Variants in FLVCR1 observed in about 807,000 individuals in gnomAD.
FLVCR1 encodes the protein FLVCR choline and heme transporter 1, also known as choline/ethanolamine transporter FLVCR1.
FLVCR1 carries 34 observed loss-of-function variants against 53.6 expected under a neutral mutation model. The observed-to-expected ratio is 0.63, with a 90% CI of 0.48 to 0.84. FLVCR1 has a LOEUF of 0.84. Ranked by LOEUF, FLVCR1 falls within the 40% of genes least tolerant of loss-of-function variation. The probability of loss-of-function intolerance (pLI) is 0.00; values close to 1 mark genes in which losing one functional copy is unlikely to be tolerated. For missense variants in FLVCR1, 677 were observed against 696.7 expected, an observed-to-expected ratio of 0.97 and a Z score of 0.32; for synonymous variants, 300 against 286.3, an observed-to-expected ratio of 1.05 and a Z score of -0.48.
At chr1:212,874,691 G>A (rs1664706610) in intron 3 of FLVCR1, among the ~76,000 whole-genome samples, 1 of 151,536 alleles carries the variant, frequency 6.6e-6, no homozygotes, top group African/African-American at 2.4e-5. Flanking sequence ...ACCACGCCCA[G>A]CTAATTTTTG....
intron 3 of FLVCR1, among the ~76,000 whole-genome samples, chr1:212,874,448 T>C (rs1351299985): frequency 2.0e-5 from 3 of 152,120 alleles, no homozygotes; most frequent in East Asian, 3.8e-4. Flanking sequence ...TAATTAGATA[T>C]AGAGAAAATA....
At chr1:212,870,838 C>G (rs1664573946) in intron 2 of FLVCR1, among the ~76,000 whole-genome samples, 2 of 152,296 alleles carry the variant, frequency 1.3e-5, no homozygotes, top group South Asian at 4.1e-4. Context: ...ACAATCTCAG[C>G]TCACTGCAAC....
intron 7 of FLVCR1, 79 bp downstream of exon 7, chr1:212,888,673 T>C (rs763067852): frequency 2.0e-4 from 218 of 1,090,100 alleles, no homozygotes; most frequent in Non-Finnish European, 2.8e-4. Flanking sequence ...ACCATGGTTT[T>C]ATTTGTTGTT....
At chr1:212,890,397 T>C (rs1665161119) in intron 8 of FLVCR1, among the ~76,000 whole-genome samples, 1 of 152,100 alleles carries the variant, frequency 6.6e-6, no homozygotes, top group African/African-American at 2.4e-5. Context: ...CTGGACCACA[T>C]TGGAACAAGA....
At chr1:212,874,916 T>TACACACACACAC (rs57061343) in intron 3 of FLVCR1, among the ~76,000 whole-genome samples, 9,094 of 149,378 alleles carry the variant, frequency 0.061, 284 homozygotes, top group East Asian at 0.094. Context: ...GTCACAGACG[T>TACACACACACAC]ACACACACAC....
intron 3 of FLVCR1, among the ~76,000 whole-genome samples, chr1:212,882,133 C>T (rs1206591513): frequency 6.6e-6 from 1 of 152,166 alleles, no homozygotes; most frequent in Non-Finnish European, 1.5e-5. Context: ...AGAAGGTCTA[C>T]TCTAGATATA....
rs1664139161 is a variant in FLVCR1 at position 212,859,159 on chromosome 1, C to T, written c.707C>T (p.Thr236Ile). The T allele has an allele frequency of 1.2e-6, 2 of 1,613,996 alleles. No individual in the cohort carries two copies. Among genetic ancestry groups the T allele is most frequent in the Non-Finnish European group, 1.7e-6 (2 of 1,180,036 alleles). ...TGGTTTGGGCCCAAAGAGGTGTCCA[C>T]AGCTTGTGCCACCGCCGTGCTGGGC... ...SVWFGPKEVS[T>I]ACATAVLGNQ... is the part of the protein sequence containing the mutation. The change falls in exon 1 of 10, where the codon ACA becomes ATA. Residue 236 changes from threonine (T) to isoleucine (I), a missense_variant. Transcript: ENST00000366971.
At chr1:212,868,688 C>A (rs1428573561) in intron 2 of FLVCR1, among the ~76,000 whole-genome samples, 1 of 152,106 alleles carries the variant, frequency 6.6e-6, no homozygotes, top group Non-Finnish European at 1.5e-5. Flanking sequence ...GGATTATAGG[C>A]GTGAACCACC....
Position 212,859,152 on chromosome 1 carries a change from G to T in FLVCR1, c.700G>T (p.Val234Leu), listed in dbSNP as rs958844090. 1 of 1,614,012 alleles carries T rather than the reference G, an allele frequency of 6.2e-7. No homozygotes were observed. Among genetic ancestry groups the T allele is most frequent in the East Asian group, 2.2e-5 (1 of 44,886 alleles). The change falls in exon 1 of 10, where the codon GTG becomes TTG. Residue 234 changes from valine to leucine, a missense_variant. By Grantham distance (32) the Val-to-Leu change is conservative. Transcript: ENST00000366971. ...CTCAGTGTGGTTTGGGCCCAAAGAGGTGTCCACAGCTTGTGCCACCGCCGT... is the reference window on the plus strand; with the variant it reads ...CTCAGTGTGGTTTGGGCCCAAAGAGTTGTCCACAGCTTGTGCCACCGCCGT... ...IASVWFGPKE[V>L]STACATAVLG...
chr1:212,866,010 A>G lies in FLVCR1; in HGVS notation c.883+2141A>G, dbSNP rs374671765. Among the ~76,000 whole-genome samples, 146 of 78,144 alleles carry G rather than the reference A, an allele frequency of 1.9e-3. No homozygotes were observed. In the South Asian group the frequency reaches 0.041, roughly 22 times the overall value. The allele number at this position is 78,144 out of a possible 152,430, so 51.3% of individuals were successfully genotyped here. A position where few individuals can be genotyped will look rare whatever the true frequency, so the allele number is the denominator to read the frequency against. ...TTTTTTTTTTTTTTTTTTGAGACAG[A>G]GTCTTGCTCTGTCAGCCAGGCTGGA... On this transcript the variant is annotated intron_variant, in intron 2 of 9. Coordinates refer to ENST00000366971, the MANE Select transcript of FLVCR1 (RefSeq NM_014053.4).
chr1:212,858,484 C>A lies in FLVCR1; in HGVS notation c.32C>A (p.Ala11Glu). The change falls in exon 1 of 10, where the codon GCG becomes GAG. Residue 11 changes from alanine (A) to glutamate (E), a missense_variant. By Grantham distance (107) the Ala-to-Glu change is moderately radical (BLOSUM62 -1). Coordinates refer to ENST00000366971, the MANE Select transcript of FLVCR1 (RefSeq NM_014053.4). Reference sequence around the variant, plus strand: ...CGGCCAGACGATGAGGAGGGGGCGGCGGTGGCGCCCGGACACCCGCTCGCG... The same window carrying A: ...CGGCCAGACGATGAGGAGGGGGCGGAGGTGGCGCCCGGACACCCGCTCGCG... MARPDDEEGA[A>E]VAPGHPLAKG... The A allele has an allele frequency of 6.9e-7, 1 of 1,443,662 alleles. No homozygotes were observed. The highest frequency in any genetic ancestry group is 9.1e-7 in the Non-Finnish European group (1 of 1,103,238). 89.4% of individuals were successfully genotyped at this position (1,443,662 alleles called of 1,614,324 possible).
Position 212,896,025 on chromosome 1 carries a change from T to G in FLVCR1, c.*735T>G, listed in dbSNP as rs1665325247. The G allele has an allele frequency of 6.6e-6, 1 of 152,264 alleles. No homozygotes were observed. The highest frequency in any genetic ancestry group is 2.4e-5 in the African/African-American group (1 of 41,454). 9.4% of individuals were successfully genotyped at this position (152,264 alleles called of 1,614,324 possible). A position where few individuals can be genotyped will look rare whatever the true frequency, so the allele number is the denominator to read the frequency against. On this transcript the variant is annotated 3_prime_UTR_variant, in exon 10 of 10. Transcript: ENST00000366971. ...CAGGTTCATTCTGTCTTGAGTTCTT[T>G]TCTGTGCTGCCTTTCTATCATGGAT... is the stretch of plus-strand genomic sequence containing the variant.
At chr1:212,889,089 A>G in intron 7 of FLVCR1, 57 bp from the exon 8 acceptor site, 3 of 1,240,090 alleles carry the variant, frequency 2.4e-6, no homozygotes, top group African/African-American at 1.5e-5. Context: ...TGAAAACTTT[A>G]TACTTGCTTT....
At chr1:212,890,011 T>C (rs959611831) in intron 8 of FLVCR1, among the ~76,000 whole-genome samples, 1 of 152,210 alleles carries the variant, frequency 6.6e-6, no homozygotes, top group Non-Finnish European at 1.5e-5. Context: ...ATTGTTATAA[T>C]GTGGTAGAGA....
At chr1:212,868,081 G>T (rs767140911) in intron 2 of FLVCR1, among the ~76,000 whole-genome samples, 1 of 152,056 alleles carries the variant, frequency 6.6e-6, no homozygotes, top group African/African-American at 2.4e-5. Flanking sequence ...GGGATTACAG[G>T]TGTGATAATT....
rs41301023 is a variant in FLVCR1, at chr1:212,895,790, G to A, written c.*500G>A. ...AGCTGTTCAAGCCACTTCAGTTTGA[G>A]TACAACATACCAACATGACACTACT... On this transcript the variant is annotated 3_prime_UTR_variant, in exon 10 of 10. Coordinates refer to ENST00000366971, the MANE Select transcript of FLVCR1 (RefSeq NM_014053.4). The A allele has an allele frequency of 4.9e-3, 841 of 172,074 alleles. 9 individuals carry two copies. The highest frequency in any genetic ancestry group is 0.019 in the African/African-American group (796 of 41,716). The allele number at this position is 172,074 out of a possible 1,614,324, so 10.7% of individuals were successfully genotyped here.
At chr1:212,877,921 G>A (rs912163175) in intron 3 of FLVCR1, among the ~76,000 whole-genome samples, 1 of 152,020 alleles carries the variant, frequency 6.6e-6, no homozygotes, top group African/African-American at 2.4e-5. Context: ...AGTAACACAA[G>A]AAAGAAGAAA....
intron 1 of FLVCR1, among the ~76,000 whole-genome samples, chr1:212,863,450 G>A (rs555856897): frequency 8.2e-4 from 125 of 152,050 alleles, no homozygotes; most frequent in Non-Finnish European, 1.5e-3. Context: ...TTAGCTGGGC[G>A]TTGTGGCGCG....
At chr1:212,873,989 A>G (rs10864020) in intron 3 of FLVCR1, among the ~76,000 whole-genome samples, 70,474 of 151,914 alleles carry the variant, frequency 0.46, 17,571 homozygotes, top group East Asian at 0.56. Context: ...TGCTTCATCT[A>G]TTTCCTCCAG....
Sources: gnomAD v4.1 joint callset for allele counts (sites outside exome capture counted in the v4.1 genomes callset) on GRCh38, gnomAD v4.1.1 for gene constraint, MANE v1.5 for transcripts, NCBI Gene and HGNC (gene_info 2026-07-23, HGNC 2026-07-21) for gene names.